Variants in UMODL1 observed in about 807,000 individuals in gnomAD.
The protein encoded by UMODL1 is uromodulin like 1.
UMODL1 carries 128 observed loss-of-function variants against 136.3 expected under a neutral mutation model. The ratio of observed to expected loss-of-function variants is 0.94; its 90% CI spans 0.81 to 1.09. The LOEUF (loss-of-function observed/expected upper bound fraction) is 1.09. Ranked by LOEUF, UMODL1 falls within the 50% of genes least tolerant of loss-of-function variation. The probability of loss-of-function intolerance (pLI) is 0.00; values close to 1 mark genes in which losing one functional copy is unlikely to be tolerated. For synonymous variants in UMODL1, 721 were observed against 720.0 expected, an observed-to-expected ratio of 1.00 and a Z score of -0.02; for missense variants, 1,766 against 1,725.6, an observed-to-expected ratio of 1.02 and a Z score of -0.41.
intron 17 of UMODL1, among the ~76,000 whole-genome samples, chr21:42,124,487 G>T (rs139302214): frequency 7.9e-5 from 12 of 152,340 alleles, no homozygotes; most frequent in African/African-American, 2.9e-4. Context: ...CTAGATGAGG[G>T]AGGCTGGAAA....
At chr21:42,110,282 G>A (rs528097118) in intron 10 of UMODL1, among the ~76,000 whole-genome samples, 1 of 152,362 alleles carries the variant, frequency 6.6e-6, no homozygotes, top group East Asian at 1.9e-4. Context: ...TGACTGATTA[G>A]CAATGTCGGC....
At chr21:42,133,379 C>A (rs995090853) in intron 21 of UMODL1, among the ~76,000 whole-genome samples, 1 of 152,242 alleles carries the variant, frequency 6.6e-6, no homozygotes. Context: ...CTGGTACCTG[C>A]ACGAGCTGGG....
In UMODL1 at chr21:42,111,624, G is replaced by T. The variant is rs749254379; in HGVS notation, c.2018G>T (p.Trp673Leu). ...STRETLLNPTWLRNEDSGPSG... is the reference protein window; with the variant it reads ...STRETLLNPTLLRNEDSGPSG... The stretch of plus-strand genomic sequence containing the variant: ...CGGGAAACACTTCTGAATCCCACGT[G>T]GCTGCGAAATGAGGACAGTGGACCC... Residue 673 changes from tryptophan (W) to leucine (L), a missense_variant, in exon 12 of 23, where the codon TGG becomes TTG. By Grantham distance (61) the Trp-to-Leu change is moderately conservative. Transcript: ENST00000408910. The T allele has an allele frequency of 6.2e-7, 1 of 1,614,010 alleles. No homozygotes were observed. The highest frequency in any genetic ancestry group is 1.3e-5 in the African/African-American group (1 of 74,928).
In UMODL1 at chr21:42,084,210, C is replaced by T; in HGVS notation, c.446C>T (p.Ser149Leu). The stretch of plus-strand genomic sequence containing the variant: ...GGACTTGAGAAGTGCTGCCCCTGGT[C>T]AGGGGGGCGCTACTGCATGGCCCCT... ...CPGLEKCCPWSGGRYCMAPAP... is the reference protein window; with the variant it reads ...CPGLEKCCPWLGGRYCMAPAP... The change falls in exon 3 of 23, where the codon TCA (serine) becomes TTA (leucine). Residue 149 changes from serine (S) to leucine (L), a missense_variant. Ser to Leu is a moderately radical substitution (Grantham distance 145). Coordinates refer to ENST00000408910, the MANE Select transcript of UMODL1 (RefSeq NM_001004416.3). The T allele has an allele frequency of 6.2e-7, 1 of 1,613,788 alleles. No homozygotes were observed. The highest frequency in any genetic ancestry group is 1.7e-5 in the Admixed American group (1 of 60,026).
intron 6 of UMODL1, among the ~76,000 whole-genome samples, chr21:42,091,380 G>A (rs1004821516): frequency 7.9e-5 from 12 of 152,206 alleles, no homozygotes; most frequent in African/African-American, 2.7e-4. Flanking sequence ...GTAGATAAAC[G>A]TGCCCAGGTC....
intron 4 of UMODL1, among the ~76,000 whole-genome samples, chr21:42,087,050 G>T (rs2066434180): frequency 6.6e-6 from 1 of 152,214 alleles, no homozygotes; most frequent in Non-Finnish European, 1.5e-5. Context: ...CATGTAAAGA[G>T]CTTGAGATGG....
intron 7 of UMODL1, chr21:42,101,659 T>A: frequency 2.2e-6 from 1 of 448,698 alleles, no homozygotes; most frequent in Non-Finnish European, 4.5e-6. Flanking sequence ...TGCCCCAAAA[T>A]AACGCAACCT....
chr21:42,078,646 C>T (rs112003750), intron 2 of UMODL1, among the ~76,000 whole-genome samples: 64 of 77,392 alleles, frequency 8.3e-4, no homozygotes, highest in Middle Eastern at 6.1e-3. Context: ...AGAAACCAGG[C>T]GGGGCCAGCT....
chr21:42,078,296 C>T lies in UMODL1; in HGVS notation c.319+2049C>T, dbSNP rs367893698. Among the ~76,000 whole-genome samples, 17 of 37,430 alleles carry T rather than the reference C, an allele frequency of 4.5e-4. 1 individual carries two copies. The highest frequency in any genetic ancestry group is 2.5e-3 in the African/African-American group (12 of 4,852). 24.6% of individuals were successfully genotyped at this position (37,430 alleles called of 152,430 possible). A position where few individuals can be genotyped will look rare whatever the true frequency, so the allele number is the denominator to read the frequency against. On this transcript the variant is annotated intron_variant, in intron 2 of 22. Coordinates refer to ENST00000408910, the MANE Select transcript of UMODL1 (RefSeq NM_001004416.3). ...ACCTCCATCACCAACAGAAACCAGG[C>T]GGGGCCAGCTGACCCCAGAGCAACA...
At chr21:42,127,965 C>G in intron 20 of UMODL1, 134 bp downstream of exon 20, 1 of 1,125,580 alleles carries the variant, frequency 8.9e-7, no homozygotes, top group Non-Finnish European at 1.3e-6. Context: ...CTGTGCCTGT[C>G]CTGCAGACTC....
chr21:42,111,744 C>T (rs1448806225), intron 12 of UMODL1, 34 bp downstream of exon 12: 1 of 1,557,746 alleles, frequency 6.4e-7, no homozygotes, highest in Non-Finnish European at 8.7e-7. Context: ...GGGACTAGGA[C>T]TAATAGGACC....
At chr21:42,098,824 A>C (rs1182781228) in intron 6 of UMODL1, 102 bp from the exon 7 acceptor site, 1 of 1,516,330 alleles carries the variant, frequency 6.6e-7, no homozygotes, top group African/African-American at 1.4e-5. Context: ...TGATCAATAA[A>C]TCAGTGAGAA....
chr21:42,110,739 C>T (rs1364229492), intron 10 of UMODL1, 141 bp from the exon 11 acceptor site: 38 of 806,462 alleles, frequency 4.7e-5, no homozygotes, highest in Middle Eastern at 2.7e-4. Context: ...CACTCCTGAA[C>T]GCTGGCGCCC....
chr21:42,074,755 C>T (rs551077282), intron 1 of UMODL1, among the ~76,000 whole-genome samples: 6 of 152,062 alleles, frequency 3.9e-5, no homozygotes, highest in East Asian at 1.9e-4. Flanking sequence ...GATGGAGTCT[C>T]GCTCTGTCAC....
intron 22 of UMODL1, among the ~76,000 whole-genome samples, chr21:42,140,705 T>C (rs1372473390): frequency 6.6e-6 from 1 of 152,036 alleles, no homozygotes; most frequent in Non-Finnish European, 1.5e-5. Context: ...GCAGCAACTG[T>C]TGTGGTTACA....
Position 42,104,018 on chromosome 21 carries a change from G to T in UMODL1, c.1450G>T (p.Ala484Ser). 6.2e-7 allele frequency: 1 copy of T among 1,613,908 alleles called. No individual in the cohort carries two copies. Among genetic ancestry groups the T allele is most frequent in the Non-Finnish European group, 8.5e-7 (1 of 1,180,012 alleles). Residue 484 changes from alanine (A) to serine (S), a missense_variant, in exon 9 of 23, where the codon GCC becomes TCC. By Grantham distance (99) the Ala-to-Ser change is moderately conservative. Transcript: ENST00000408910. ...GTTTCCCATGGGCATCTCCACGCTG[G>T]CCCCCATACTCCAGCCCCTGTTGGC... The part of the protein sequence containing the change: ...PGFPMGISTL[A>S]PILQPLLAST...
chr21:42,070,040 T>C (rs781551633), upstream of UMODL1, among the ~76,000 whole-genome samples: 48 of 152,354 alleles, frequency 3.2e-4, no homozygotes, highest in Non-Finnish European at 6.3e-4. Flanking sequence ...CCTTTTTGTA[T>C]TCTTGTCATG....
chr21:42,103,177 A>G (rs1311281125), intron 8 of UMODL1: 1 of 188,628 alleles, frequency 5.3e-6, no homozygotes, highest in Non-Finnish European at 1.1e-5. Flanking sequence ...ATCCTTGGAA[A>G]GATATTCTGG....
chr21:42,098,838 A>G (rs2066589830), intron 6 of UMODL1, 88 bp from the exon 7 acceptor site: 1 of 1,548,906 alleles, frequency 6.5e-7, no homozygotes, highest in Admixed American at 1.8e-5. Flanking sequence ...GTGAGAACCA[A>G]GTTGAGATGA....
Sources: gnomAD v4.1 joint callset for allele counts (sites outside exome capture counted in the v4.1 genomes callset) on GRCh38, gnomAD v4.1.1 for gene constraint, MANE v1.5 for transcripts, NCBI Gene and HGNC (gene_info 2026-07-23, HGNC 2026-07-21) for gene names.